ENOX1: variants seen among roughly 807,000 people sequenced by gnomAD.
ENOX1 encodes the protein candidate growth-related and time keeping constitutive hydroquinone (NADH) oxidase.
A neutral mutation model predicts 82.5 loss-of-function variants in ENOX1; 42 were observed. That is an observed-to-expected ratio of 0.51 (90% confidence interval 0.40 to 0.66). The LOEUF (loss-of-function observed/expected upper bound fraction) is 0.66. Ranked by LOEUF, ENOX1 falls within the 30% of genes least tolerant of loss-of-function variation. ENOX1 has a pLI of 0.00. For missense variants in ENOX1, 608 were observed against 811.6 expected, an observed-to-expected ratio of 0.75 and a Z score of 3.05; for synonymous variants, 271 against 282.2, an observed-to-expected ratio of 0.96 and a Z score of 0.40.
At chr13:43,334,110 C>A (rs1366431220) in intron 9 of ENOX1, among the ~76,000 whole-genome samples, 2 of 152,244 alleles carry the variant, frequency 1.3e-5, no homozygotes, top group Admixed American at 6.5e-5. Context: ...TGGGGCCCAA[C>A]AGACTCTGCT....
intron 16 of ENOX1, among the ~76,000 whole-genome samples, chr13:43,215,576 C>T (rs935539023): frequency 6.6e-5 from 10 of 152,162 alleles, no homozygotes; most frequent in Non-Finnish European, 4.4e-5. Context: ...GTTCAGAAAA[C>T]GGTGTGAGCT....
At position 43,664,511 on chromosome 13, in the gene ENOX1, G is replaced by A. The variant is rs1594319003; in HGVS notation, c.-219+2968C>T. Among the ~76,000 whole-genome samples, 4 of 152,312 alleles carry A rather than the reference G, an allele frequency of 2.6e-5. No homozygotes were observed. In the South Asian group the frequency reaches 8.3e-4, roughly 32 times the overall value. ...CTATTTTGGGACAGCTGAATTACTAGAATATAATTGCTCACCAGGCCCTAC... is the reference window on the plus strand; with the variant it reads ...CTATTTTGGGACAGCTGAATTACTAAAATATAATTGCTCACCAGGCCCTAC... On this transcript the variant is annotated intron_variant, in intron 2 of 16. Transcript: ENST00000690772.
At chr13:43,549,883 G>A (rs1026489775) in intron 2 of ENOX1, among the ~76,000 whole-genome samples, 1 of 152,276 alleles carries the variant, frequency 6.6e-6, no homozygotes, top group Non-Finnish European at 1.5e-5. Context: ...ACTGGTTCAG[G>A]AGACACTAGT....
At chr13:43,470,268 AT>A (rs1241761160) in intron 3 of ENOX1, among the ~76,000 whole-genome samples, 12 of 45,288 alleles carry the variant, frequency 2.6e-4, no homozygotes, top group African/African-American at 5.9e-4. Flanking sequence ...ATACATATAT[AT>A]ACACATATAT....
intron 1 of ENOX1, among the ~76,000 whole-genome samples, chr13:43,746,850 A>G (rs1436337369): frequency 2.0e-5 from 3 of 152,204 alleles, no homozygotes; most frequent in Non-Finnish European, 4.4e-5. Flanking sequence ...CAAATCCATT[A>G]ACCTGAAATC....
chr13:43,434,152 C>T (rs1413610288), intron 3 of ENOX1, among the ~76,000 whole-genome samples: 2 of 152,212 alleles, frequency 1.3e-5, no homozygotes, highest in East Asian at 3.9e-4. Flanking sequence ...CTCTTGCCAA[C>T]ATGGTCACCC....
At chr13:43,283,631 G>A (rs912165778) in intron 12 of ENOX1, among the ~76,000 whole-genome samples, 8 of 89,558 alleles carry the variant, frequency 8.9e-5, no homozygotes, top group Non-Finnish European at 4.7e-5. Context: ...TTTTTTTTTT[G>A]TACAGATGGG....
chr13:43,521,289 C>A (rs2077758043), intron 2 of ENOX1, among the ~76,000 whole-genome samples: 1 of 151,984 alleles, frequency 6.6e-6, no homozygotes, highest in South Asian at 2.1e-4. Context: ...CAAGTTTAGA[C>A]CAATGAGATA....
At chr13:43,604,017 G>A (rs2081866559) in intron 2 of ENOX1, among the ~76,000 whole-genome samples, 1 of 147,660 alleles carries the variant, frequency 6.8e-6, no homozygotes, top group Non-Finnish European at 1.5e-5. Flanking sequence ...GTGTAAAAGT[G>A]TTCCTATTTC....
At chr13:43,777,066 T>C (rs1258133950) in intron 1 of ENOX1, among the ~76,000 whole-genome samples, 1 of 152,214 alleles carries the variant, frequency 6.6e-6, no homozygotes, top group Non-Finnish European at 1.5e-5. Context: ...AAGCTCCTTT[T>C]ACAATAGGCA....
intron 2 of ENOX1, among the ~76,000 whole-genome samples, chr13:43,520,971 G>A (rs1359432953): frequency 6.6e-6 from 1 of 152,132 alleles, no homozygotes; most frequent in Non-Finnish European, 1.5e-5. Flanking sequence ...AGCTCTTAGT[G>A]TAATTACTTG....
In ENOX1 at chr13:43,375,043, G is replaced by A. The variant is rs151336124; in HGVS notation, c.209-13591C>T. Among the ~76,000 whole-genome samples the A allele has an allele frequency of 1.6e-3, 246 of 152,262 alleles. 2 individuals carry two copies. The East Asian group carries it at 0.03, about 19-fold the overall frequency. On this transcript the variant is annotated intron_variant, in intron 5 of 16. Coordinates refer to ENST00000690772, the MANE Select transcript of ENOX1 (RefSeq NM_001347969.2). The stretch of plus-strand genomic sequence containing the variant: ...ATGAGTGCCAAACTGTATGATGGAC[G>A]TTTATGTGCCAGCAATTTACAAACA...
chr13:43,489,518 AC>A (rs1351791165), intron 2 of ENOX1, among the ~76,000 whole-genome samples: 2 of 152,094 alleles, frequency 1.3e-5, no homozygotes, highest in African/African-American at 4.8e-5. Context: ...CATGGCAGAG[AC>A]CCTTCACTAG....
chr13:43,264,204 C>T (rs987522725), intron 14 of ENOX1, among the ~76,000 whole-genome samples: 2 of 152,194 alleles, frequency 1.3e-5, no homozygotes, highest in African/African-American at 4.8e-5. Flanking sequence ...AAAAAGGAAG[C>T]TCAGAGAGGT....
chr13:43,630,736 T>C (rs2083168628), intron 2 of ENOX1, among the ~76,000 whole-genome samples: 1 of 151,886 alleles, frequency 6.6e-6, no homozygotes, highest in African/African-American at 2.4e-5. Flanking sequence ...TACATAAAAA[T>C]GGAACTCCAC....
intron 5 of ENOX1, chr13:43,394,867 GAAA>G: frequency 6.9e-6 from 1 of 145,046 alleles, no homozygotes; most frequent in African/African-American, 2.5e-5. Context: ...ACCTTTACAG[GAAA>G]AAAAAAAAAA....
intron 3 of ENOX1, among the ~76,000 whole-genome samples, chr13:43,416,355 G>A (rs376053615): frequency 1.5e-3 from 140 of 93,700 alleles, no homozygotes; most frequent in Middle Eastern, 6.8e-3. Context: ...CAGATGGGGC[G>A]GCCGGACAGA....
At chr13:43,282,564 C>T (rs1012645492) in intron 12 of ENOX1, among the ~76,000 whole-genome samples, 6 of 151,574 alleles carry the variant, frequency 4.0e-5, no homozygotes, top group Admixed American at 3.3e-4. Context: ...GCTGGAACTA[C>T]CGGCATGTGC....
At chr13:43,572,686 G>A (rs1354092535) in intron 2 of ENOX1, among the ~76,000 whole-genome samples, 7 of 152,188 alleles carry the variant, frequency 4.6e-5, no homozygotes, top group African/African-American at 7.2e-5. Context: ...GGTCTCCAGC[G>A]GGTGCTCTCC....
Sources: allele counts gnomAD v4.1 joint callset (sites outside exome capture counted in the v4.1 genomes callset), GRCh38; gene constraint gnomAD v4.1.1; transcripts MANE v1.5; gene names NCBI Gene and HGNC (gene_info 2026-07-23, HGNC 2026-07-21).